The following NPHP4 variants were observed in gnomAD, a reference collection of about 807,000 sequenced individuals.
NPHP4 encodes the protein nephrocystin 4.
NPHP4 carries 151 observed loss-of-function variants against 155.8 expected under a neutral mutation model. That is an observed-to-expected ratio of 0.97 (90% confidence interval 0.85 to 1.11). The LOEUF (loss-of-function observed/expected upper bound fraction) is 1.11. NPHP4 is among the 50% of genes least tolerant of loss of function. The probability of loss-of-function intolerance (pLI) is 0.00; values close to 1 mark genes in which losing one functional copy is unlikely to be tolerated. For synonymous variants in NPHP4, 845 were observed against 816.8 expected (o/e 1.03, Z -0.59); for missense variants, 1,956 against 1,925.7 (o/e 1.02, Z -0.29).
intron 16 of NPHP4, among the ~76,000 whole-genome samples, chr1:5,900,139 G>A (rs1309493267): frequency 6.6e-6 from 1 of 152,188 alleles, no homozygotes; most frequent in African/African-American, 2.4e-5. Flanking sequence ...AGCCACTTTG[G>A]AAGACAGTAT....
At chr1:5,980,440 G>T (rs1057368586) in intron 2 of NPHP4, among the ~76,000 whole-genome samples, 1 of 152,244 alleles carries the variant, frequency 6.6e-6, no homozygotes, top group Admixed American at 6.5e-5. Flanking sequence ...CAGGCCTCAC[G>T]GCGCGAGGAG....
chr1:5,937,159 C>T (rs1007503010), intron 9 of NPHP4, among the ~76,000 whole-genome samples: 2 of 152,070 alleles, frequency 1.3e-5, no homozygotes, highest in Admixed American at 6.5e-5. Flanking sequence ...GCCCGCCACA[C>T]CTGAGCTTTG....
intron 20 of NPHP4, chr1:5,876,054 G>A: frequency 6.6e-6 from 1 of 152,340 alleles, no homozygotes; most frequent in East Asian, 1.9e-4. Flanking sequence ...GAGCTTTTCA[G>A]GAGTGGAACC....
intron 9 of NPHP4, among the ~76,000 whole-genome samples, chr1:5,939,672 T>C (rs865980267): frequency 1.1e-4 from 16 of 152,238 alleles, no homozygotes; most frequent in Non-Finnish European, 2.4e-4. Flanking sequence ...CCACAAGGCC[T>C]GGCTCCAGGA....
intron 11 of NPHP4, among the ~76,000 whole-genome samples, chr1:5,920,717 G>A (rs1296031708): frequency 6.6e-6 from 1 of 152,138 alleles, no homozygotes; most frequent in Non-Finnish European, 1.5e-5. Context: ...AGGTCTTTCT[G>A]TAATCCTTCT....
chr1:5,984,512 G>C (rs1655174511), intron 2 of NPHP4, among the ~76,000 whole-genome samples: 1 of 152,078 alleles, frequency 6.6e-6, no homozygotes, highest in Non-Finnish European at 1.5e-5. Context: ...TACAGCCTGG[G>C]TGACAGAGTG....
At chr1:5,930,238 G>A (rs1481814233) in intron 10 of NPHP4, among the ~76,000 whole-genome samples, 2 of 152,066 alleles carry the variant, frequency 1.3e-5, no homozygotes, top group Admixed American at 1.3e-4. Context: ...TTTTCAAACA[G>A]GTTCTTGTTT....
chr1:5,879,816 AACACAC>A (rs34867257), intron 19 of NPHP4, among the ~76,000 whole-genome samples: 2 of 126,300 alleles, frequency 1.6e-5, no homozygotes, highest in South Asian at 2.5e-4. Context: ...CACACACGCA[AACACAC>A]ACACACACGC....
At chr1:5,880,406 T>C in intron 18 of NPHP4, 167 bp from the exon 19 acceptor site, 1 of 647,054 alleles carries the variant, frequency 1.5e-6, no homozygotes. Context: ...GAGAGACAGG[T>C]GGGAGCTCGT....
chr1:5,863,249 C>T lies in NPHP4; in HGVS notation c.*16G>A, dbSNP rs1374205955. ...CCCCAGCTGGGTGCCGCAGGAAGGA[C>T]GTCACCCTCAAGCCCTCACTGGTAG... On this transcript the variant is annotated 3_prime_UTR_variant, in exon 30 of 30. Transcript: ENST00000378156. 8.1e-6 allele frequency: 13 copies of T among 1,613,920 alleles called. No homozygotes were observed. Among genetic ancestry groups the T allele is most frequent in the Middle Eastern group, 1.6e-4 (1 of 6,062 alleles).
rs139554607 is a variant in NPHP4, at chr1:5,867,306, G to A, written c.3473-191C>T. Reference sequence around the variant, plus strand: ...GCACTGTGTTCCCTGCATGGACACCGCCCATCCAGCCCACTGCGGCTCGGC... The same window carrying A: ...GCACTGTGTTCCCTGCATGGACACCACCCATCCAGCCCACTGCGGCTCGGC... On this transcript the variant is annotated intron_variant, in intron 24 of 29. Transcript: ENST00000378156. The surrounding 1 kb of genome is among the most constrained non-coding windows in gnomAD (Gnocchi z 4.1). 1,043 of 578,848 alleles carry A rather than the reference G, an allele frequency of 1.8e-3. 6 individuals carry two copies. Among genetic ancestry groups the A allele is most frequent in the African/African-American group, 0.016 (880 of 53,656 alleles). The allele number at this position is 578,848 out of a possible 1,614,324, so 35.9% of individuals were successfully genotyped here.
chr1:5,884,495 T>G (rs1643597775), intron 18 of NPHP4, among the ~76,000 whole-genome samples: 5 of 118,696 alleles, frequency 4.2e-5, no homozygotes, highest in South Asian at 3.2e-4. Context: ...CCCGTCCTAC[T>G]CCACAACCAA....
intron 7 of NPHP4, 95 bp from the exon 8 acceptor site, chr1:5,948,346 G>A: frequency 1.1e-6 from 1 of 919,808 alleles, no homozygotes; most frequent in Non-Finnish European, 1.6e-6. Flanking sequence ...GAAGAAACTG[G>A]AGCAGAAGTT....
chr1:5,900,354 C>T (rs557029882), intron 16 of NPHP4, among the ~76,000 whole-genome samples: 8 of 152,298 alleles, frequency 5.3e-5, no homozygotes, highest in Non-Finnish European at 8.8e-5. Context: ...GTGGCACATA[C>T]GTGCAATGAA....
rs772937786 is a variant in NPHP4, at chr1:5,978,356, C to T, written c.193G>A (p.Val65Ile). ...ECHLRVSFFD[V>I]TYRHFFGRTW... is the part of the protein sequence containing the mutation. ...CTCCCAAAGAAGTGCCGGTAGGTGA[C>T]ATCAAAGAAAGACACTCGCAGATGG... The change falls in exon 3 of 30, where the codon GTC becomes ATC. Residue 65 changes from valine to isoleucine, a missense_variant. Coordinates refer to ENST00000378156, the MANE Select transcript of NPHP4 (RefSeq NM_015102.5). The T allele has an allele frequency of 6.2e-7, 1 of 1,609,348 alleles. No individual in the cohort carries two copies. The highest frequency in any genetic ancestry group is 1.1e-5 in the South Asian group (1 of 90,256).
chr1:5,904,016 G>GGACA (rs1053851532), intron 16 of NPHP4, among the ~76,000 whole-genome samples: 1 of 152,138 alleles, frequency 6.6e-6, no homozygotes. Context: ...GCTAAAGAGG[G>GGACA]GACAGAACAA....
At chr1:5,938,057 C>T (rs1646635460) in intron 9 of NPHP4, among the ~76,000 whole-genome samples, 1 of 152,226 alleles carries the variant, frequency 6.6e-6, no homozygotes, top group African/African-American at 2.4e-5. Context: ...GGAAACAGAG[C>T]AACCAGCCGC....
intron 5 of NPHP4, among the ~76,000 whole-genome samples, chr1:5,965,072 A>C (rs1651226880): frequency 6.7e-6 from 1 of 150,338 alleles, no homozygotes; most frequent in African/African-American, 2.5e-5. Context: ...AGCTATGACC[A>C]CAGGGGCGCA....
At chr1:5,960,410 G>A (rs927251721) in intron 6 of NPHP4, among the ~76,000 whole-genome samples, 1 of 152,144 alleles carries the variant, frequency 6.6e-6, no homozygotes, top group Non-Finnish European at 1.5e-5. Flanking sequence ...CAGAATGCCT[G>A]TACGATGCAC....
Sources: gnomAD v4.1 joint callset for allele counts (sites outside exome capture counted in the v4.1 genomes callset) on GRCh38, gnomAD v4.1.1 for gene constraint, Gnocchi (gnomAD v3.1) non-coding constraint, MANE v1.5 for transcripts, NCBI Gene and HGNC (gene_info 2026-07-23, HGNC 2026-07-21) for gene names.